CELF2: variants seen among roughly 807,000 people sequenced by gnomAD.
CELF2 encodes CUGBP Elav-like family member 2.
In CELF2, 8 loss-of-function variants were observed where a neutral mutation model predicts 62.6. The ratio of observed to expected loss-of-function variants is 0.13; its 90% CI spans 0.07 to 0.23. The LOEUF is 0.23. Ranked by LOEUF, CELF2 falls within the 10% of genes least tolerant of loss-of-function variation. The pLI, the probability that CELF2 is intolerant of heterozygous loss-of-function variation, is 1.00. For missense variants in CELF2, 333 were observed against 671.0 expected, an observed-to-expected ratio of 0.50 and a Z score of 5.56; for synonymous variants, 258 against 250.0, an observed-to-expected ratio of 1.03 and a Z score of -0.30.
chr10:11,313,144 C>T (rs2094673625), intron 9 of CELF2, among the ~76,000 whole-genome samples: 1 of 152,182 alleles, frequency 6.6e-6, no homozygotes, highest in Non-Finnish European at 1.5e-5. Context: ...GGCTTTCTTA[C>T]ACCAAACATC....
intron 1 of CELF2, among the ~76,000 whole-genome samples, chr10:11,139,283 T>C (rs1031750870): frequency 1.3e-5 from 2 of 152,222 alleles, no homozygotes; most frequent in African/African-American, 2.4e-5. Context: ...TCCTTTTACA[T>C]AGTGCATGAA....
At chr10:11,076,356 A>G (rs1207044642) in intron 1 of CELF2, among the ~76,000 whole-genome samples, 4 of 152,204 alleles carry the variant, frequency 2.6e-5, no homozygotes, top group Non-Finnish European at 5.9e-5. Flanking sequence ...AAGAAAAGGC[A>G]GTTGCTATGG....
At chr10:11,308,428 G>A (rs762284801) in intron 9 of CELF2, among the ~76,000 whole-genome samples, 1 of 152,108 alleles carries the variant, frequency 6.6e-6, no homozygotes, top group African/African-American at 2.4e-5. Flanking sequence ...GTGAGGCTCT[G>A]TTCATTTCTC....
At chr10:10,699,930 C>T in the CELF2 span, among the ~76,000 whole-genome samples, 2 of 152,162 alleles carry the variant, frequency 1.3e-5, no homozygotes, top group African/African-American at 4.8e-5. Flanking sequence ...ATGGAGACTG[C>T]TCTAATCTAC....
chr10:10,943,461 G>A (rs191738537), intron 2 of CELF2, among the ~76,000 whole-genome samples: 1 of 152,328 alleles, frequency 6.6e-6, no homozygotes, highest in African/African-American at 2.4e-5. Context: ...GGCAGATTAG[G>A]ATAGGGAATC....
rs568137961 is a variant in CELF2, at chr10:11,185,235, C to T, written c.271+19553C>T. Among the ~76,000 whole-genome samples the T allele has an allele frequency of 1.4e-3, 216 of 152,094 alleles. 1 individual carries two copies. Among genetic ancestry groups the T allele is most frequent in the African/African-American group, 4.8e-3 (199 of 41,442 alleles). On this transcript the variant is annotated intron_variant, in intron 2 of 12. Transcript: ENST00000633077. Reference sequence around the variant, plus strand: ...TGTTGCCCATGCTACAGTGAACTGACGCAGTCACAGCTCACTGCAGCCTCG... The same window carrying T: ...TGTTGCCCATGCTACAGTGAACTGATGCAGTCACAGCTCACTGCAGCCTCG...
the CELF2 span, among the ~76,000 whole-genome samples, chr10:10,484,469 A>G: frequency 2.0e-5 from 3 of 148,560 alleles, no homozygotes; most frequent in East Asian, 6.1e-4. Flanking sequence ...GGCACATGCC[A>G]CCATGCCCAG....
chr10:10,955,740 C>G (rs2048818136), intron 2 of CELF2, among the ~76,000 whole-genome samples: 1 of 152,170 alleles, frequency 6.6e-6, no homozygotes, highest in Non-Finnish European at 1.5e-5. Context: ...TAGCCACCCA[C>G]TCCTCTTATA....
At position 10,905,926 on chromosome 10, in the gene CELF2, C is replaced by T. The variant is rs181491901; in HGVS notation, c.54-14038C>T. 1.9e-3 allele frequency among the ~76,000 whole-genome samples: 282 copies of T among 151,522 alleles called. 1 individual carries two copies. Among genetic ancestry groups the T allele is most frequent in the Non-Finnish European group, 3.3e-3 (224 of 67,798 alleles). ...AAAGAAAAAAGAAAAAAATACTTAG[C>T]CGGGCATGGTGGCATGCACCTGTAG... On this transcript the variant is annotated intron_variant, in intron 1 of 13. Coordinates refer to the CELF2 transcript ENST00000636488.
intron 1 of CELF2, among the ~76,000 whole-genome samples, chr10:10,913,101 G>A (rs1400331506): frequency 6.6e-6 from 1 of 151,752 alleles, no homozygotes; most frequent in Non-Finnish European, 1.5e-5. Context: ...TTTGTATACA[G>A]ACACACACAC....
chr10:10,847,628 G>C (rs1229396401), intron 1 of CELF2, among the ~76,000 whole-genome samples: 1 of 152,208 alleles, frequency 6.6e-6, no homozygotes, highest in Non-Finnish European at 1.5e-5. Flanking sequence ...TCAATAGCAA[G>C]TTCTAGTGTA....
At chr10:11,163,798 AG>A (rs1438545611) in intron 1 of CELF2, among the ~76,000 whole-genome samples, 1 of 152,210 alleles carries the variant, frequency 6.6e-6, no homozygotes, top group Non-Finnish European at 1.5e-5. Flanking sequence ...TTTCCTCTCT[AG>A]GTTGAATCTC....
the CELF2 span, among the ~76,000 whole-genome samples, chr10:10,770,020 T>C: frequency 8.5e-5 from 13 of 152,170 alleles, no homozygotes; most frequent in Admixed American, 8.5e-4. Flanking sequence ...AGCTTAGAGA[T>C]ATTGTAAGTA....
intron 2 of CELF2, chr10:10,935,541 A>T (rs1389400023): frequency 4.6e-5 from 7 of 152,222 alleles, no homozygotes; most frequent in African/African-American, 1.7e-4. Context: ...TTGTTGAGCC[A>T]CGAGGACTTC....
At chr10:10,886,464 T>C (rs963034982) in intron 1 of CELF2, among the ~76,000 whole-genome samples, 4 of 152,194 alleles carry the variant, frequency 2.6e-5, no homozygotes, top group Non-Finnish European at 5.9e-5. Flanking sequence ...ATTTACATTG[T>C]TGACAGATGA....
At chr10:11,005,039 A>C, upstream of CELF2, 6 of 985,264 alleles carry the variant, frequency 6.1e-6, no homozygotes, top group Non-Finnish European at 7.2e-6. This position sits in a 1 kb window ranked among gnomAD's most constrained non-coding sequence, Gnocchi z 4.3. Context: ...TGTTCCCCCA[A>C]TTTTTAAAGA....
chr10:10,814,214 TAAAAAAAAA>T (rs759524110), intron 1 of CELF2, among the ~76,000 whole-genome samples: 1 of 44,432 alleles, frequency 2.3e-5, no homozygotes, highest in Admixed American at 3.1e-4. Context: ...AGAAGAGTCC[TAAAAAAAAA>T]AAAAAAAAAA....
At chr10:10,608,348 A>G in the CELF2 span, among the ~76,000 whole-genome samples, 6 of 152,140 alleles carry the variant, frequency 3.9e-5, no homozygotes, top group South Asian at 6.2e-4. Context: ...CCAGATTAAT[A>G]CTGGCCTGGG....
In CELF2 at chr10:11,191,021, A is replaced by G. The variant is rs976257481; in HGVS notation, c.271+25339A>G. Among the ~76,000 whole-genome samples the G allele has an allele frequency of 3.9e-5, 6 of 152,156 alleles. No individual in the cohort carries two copies. The highest frequency in any genetic ancestry group is 2.1e-4 in the South Asian group (1 of 4,830). On this transcript the variant is annotated intron_variant, in intron 2 of 12. Coordinates refer to ENST00000633077, the MANE Select transcript of CELF2 (RefSeq NM_001326342.2). This position sits in a 1 kb window ranked among gnomAD's most constrained non-coding sequence, Gnocchi z 4.1. ...AATGTATTTAATGCTGCTGACCTTC[A>G]TGGACATCCTGGTCATGTGTACAGA...
Sources: gnomAD v4.1 joint callset for allele counts (sites outside exome capture counted in the v4.1 genomes callset) on GRCh38, gnomAD v4.1.1 for gene constraint, Gnocchi (gnomAD v3.1) non-coding constraint, MANE v1.5 for transcripts, NCBI Gene and HGNC (gene_info 2026-07-23, HGNC 2026-07-21) for gene names.